SZT2: variants seen among roughly 807,000 people sequenced by gnomAD.
The protein encoded by SZT2 is KICSTOR complex protein SZT2.
A neutral mutation model predicts 404.2 loss-of-function variants in SZT2; 216 were observed. The ratio of observed to expected loss-of-function variants is 0.53; its 90% CI spans 0.48 to 0.60. The LOEUF (loss-of-function observed/expected upper bound fraction) is 0.60, where lower values mean the gene tolerates loss of function less well. Among genes scored for constraint, SZT2 ranks in the 20% least tolerant of loss-of-function variants. The probability of loss-of-function intolerance (pLI) is 0.00; values close to 1 mark genes in which losing one functional copy is unlikely to be tolerated. For synonymous variants in SZT2, 1,693 were observed against 1,749.9 expected (o/e 0.97, Z 0.81); for missense variants, 3,857 against 4,459.2 (o/e 0.86, Z 3.85).
intron 41 of SZT2, 70 bp from the exon 42 acceptor site, chr1:43,435,130 C>G (rs1654324686): frequency 6.5e-7 from 1 of 1,547,818 alleles, no homozygotes; most frequent in South Asian, 1.2e-5. Flanking sequence ...GGCATTTGAT[C>G]ACCCCTGACC....
In SZT2 at chr1:43,439,672, C is replaced by A; in HGVS notation, c.6945C>A (p.Pro2315=). 6.2e-7 allele frequency: 1 copy of A among 1,613,142 alleles called. No individual in the cohort carries two copies. The highest frequency in any genetic ancestry group is 1.1e-5 in the South Asian group (1 of 90,926). ...CCCCCTTGTCACTGGCGTTGTGGCC[C>A]CCCTCCTCTCCGGGGCCCCCAGACC... ...GGAPLSLALW[P]PSSPGPPDPL... is the part of the protein sequence containing the mutation. Residue 2315 remains proline, a synonymous_variant, in exon 50 of 72, where the codon CCC becomes CCA. Transcript: ENST00000634258. This position sits in a 1 kb window ranked among gnomAD's most constrained non-coding sequence, Gnocchi z 4.2.
intron 1 of SZT2, among the ~76,000 whole-genome samples, chr1:43,393,685 C>G (rs561236166): frequency 1.3e-5 from 2 of 152,242 alleles, no homozygotes; most frequent in African/African-American, 2.4e-5. Flanking sequence ...CAAATCAGAC[C>G]TTAATCACAA....
chr1:43,430,933 T>G lies in SZT2; in HGVS notation c.4775-16T>G, dbSNP rs762904549. The stretch of plus-strand genomic sequence containing the variant: ...CTTAGAGCCCTCAGCAACTGCTAAC[T>G]TTCCCCCTCTCCCAGGCCAGGTGCT... On this transcript the variant is annotated splice_polypyrimidine_tract_variant and intron_variant, in intron 32 of 71. Transcript: ENST00000634258. 6.2e-7 allele frequency: 1 copy of G among 1,606,776 alleles called. No individual in the cohort carries two copies.
intron 27 of SZT2, 49 bp downstream of exon 27, chr1:43,428,167 C>A: frequency 6.2e-7 from 1 of 1,611,562 alleles, no homozygotes; most frequent in South Asian, 1.1e-5. Flanking sequence ...GCGGGAGATA[C>A]AGGGATTACA....
In SZT2 at chr1:43,427,403, A is replaced by G. The variant is rs1176049356; in HGVS notation, c.3556A>G (p.Thr1186Ala). ...TCTAGGAGGAACTGGGATCAAAGCT[A>G]CAAAGTCCCACGTCCCTGTCCTCAG... The part of the protein sequence containing the change: ...KDLGGTGIKA[T>A]KSHVPVLSVT... The change falls in exon 25 of 72, where the codon ACA (threonine) becomes GCA (alanine). Residue 1186 changes from threonine to alanine, a missense_variant. Transcript: ENST00000634258. 1.9e-6 allele frequency: 3 copies of G among 1,613,856 alleles called. 1 individual carries two copies. The highest frequency in any genetic ancestry group is 4.5e-5 in the East Asian group (2 of 44,882).
Position 43,437,540 on chromosome 1 carries a change from G to T in SZT2, c.6290+32G>T, listed in dbSNP as rs1429899824. 1 of 1,613,914 alleles carries T rather than the reference G, an allele frequency of 6.2e-7. No individual in the cohort carries two copies. Among genetic ancestry groups the T allele is most frequent in the Non-Finnish European group, 8.5e-7 (1 of 1,179,976 alleles). On this transcript the variant is annotated intron_variant, in intron 44 of 71. Coordinates refer to ENST00000634258, the MANE Select transcript of SZT2 (RefSeq NM_001365999.1). The surrounding 1 kb of genome is among the most constrained non-coding windows in gnomAD (Gnocchi z 5.3). ...GGCCCTTGGAAGGTGGGTAGGGCAT[G>T]AATTAAGGATGGCCTGGGAGGAGGC... is the stretch of plus-strand genomic sequence containing the variant.
Position 43,439,847 on chromosome 1 carries a change from G to T in SZT2, c.7043-34G>T, listed in dbSNP as rs1290954441. On this transcript the variant is annotated intron_variant, in intron 50 of 71. Transcript: ENST00000634258. This position sits in a 1 kb window ranked among gnomAD's most constrained non-coding sequence, Gnocchi z 4.2. ...AGGGTGGTGAGTAGAGTGGGATCTA[G>T]GGACACCCTCAAGTGTCCCTGTTCT... The T allele has an allele frequency of 6.4e-7, 1 of 1,570,774 alleles. No individual in the cohort carries two copies.
In SZT2 at chr1:43,446,133, G is replaced by A. The variant is rs539934450; in HGVS notation, c.8917-46G>A. 88 of 1,610,210 alleles carry A rather than the reference G, an allele frequency of 5.5e-5. 2 individuals carry two copies. The South Asian group carries it at 8.7e-4, about 16-fold the overall frequency. On this transcript the variant is annotated intron_variant, in intron 63 of 71. Coordinates refer to ENST00000634258, the MANE Select transcript of SZT2 (RefSeq NM_001365999.1). ...CAAGGGACTTCCACCCTACTGATTC[G>A]AGGCTGGTGAGCCCCCAAACCTTGC...
chr1:43,433,548 G>A (rs930072124), intron 40 of SZT2, among the ~76,000 whole-genome samples: 1 of 152,314 alleles, frequency 6.6e-6, no homozygotes, highest in African/African-American at 2.4e-5. Context: ...TTGGGAGGCC[G>A]AGGCAGGCGG....
chr1:43,430,898 C>T, intron 32 of SZT2, 51 bp from the exon 33 acceptor site: 1 of 1,589,982 alleles, frequency 6.3e-7, no homozygotes, highest in Non-Finnish European at 8.6e-7. Context: ...ATCTTGGAAT[C>T]TGTGCTTGTC....
Position 43,425,971 on chromosome 1 carries a change from C to G in SZT2, c.2929+22C>G, listed in dbSNP as rs760016900. On this transcript the variant is annotated intron_variant, in intron 20 of 71. Transcript: ENST00000634258. The surrounding 1 kb of genome is among the most constrained non-coding windows in gnomAD (Gnocchi z 4.3). ...GATGGTGAGTGGGGCAGGCGGCCCA[C>G]TGGTGGAGCAGGGGAGTGGGTAGGG... The G allele has an allele frequency of 3.1e-6, 5 of 1,613,266 alleles. No individual in the cohort carries two copies. The highest frequency in any genetic ancestry group is 3.3e-5 in the Admixed American group (2 of 60,022).
intron 30 of SZT2, 72 bp downstream of exon 30, chr1:43,430,175 G>C (rs1557565652): frequency 1.3e-6 from 2 of 1,588,956 alleles, no homozygotes; most frequent in East Asian, 4.5e-5. Context: ...TTGAGTCTTG[G>C]TTCCCTGAGG....
At position 43,427,565 on chromosome 1, in the gene SZT2, T is replaced by C. The variant is rs2153933394; in HGVS notation, c.3634T>C (p.Phe1212Leu). ...GAATCAAGGAGAGCTAAGTCCACCA[T>C]TCCGTCGAGACTTACAGGCTTACGC... is the stretch of plus-strand genomic sequence containing the variant. Reference protein sequence around the residue: ...AQNQGELSPPFRRDLQAYAGR... With the variant: ...AQNQGELSPPLRRDLQAYAGR... The change falls in exon 26 of 72, where the codon TTC (phenylalanine) becomes CTC (leucine). Residue 1212 changes from phenylalanine to leucine, a missense_variant. Phe to Leu is a conservative substitution (Grantham distance 22). Transcript: ENST00000634258. 1 of 1,614,226 alleles carries C rather than the reference T, an allele frequency of 6.2e-7. No homozygotes were observed. The highest frequency in any genetic ancestry group is 8.5e-7 in the Non-Finnish European group (1 of 1,180,032).
At position 43,442,220 on chromosome 1, in the gene SZT2, G is replaced by T. The variant is rs762050535; in HGVS notation, c.7874-48G>T. The T allele has an allele frequency of 6.2e-7, 1 of 1,602,542 alleles. No individual in the cohort carries two copies. Among genetic ancestry groups the T allele is most frequent in the Non-Finnish European group, 8.5e-7 (1 of 1,173,810 alleles). ...CTTGCAGAGGGGAGGGTGGGATCAA[G>T]GGGGATCTGTTCCCAGGCCCCTATT... On this transcript the variant is annotated intron_variant, in intron 56 of 71. Transcript: ENST00000634258. The surrounding 1 kb of genome is among the most constrained non-coding windows in gnomAD (Gnocchi z 4.5).
Position 43,442,418 on chromosome 1 carries a change from C to G in SZT2, c.7975-24C>G, listed in dbSNP as rs756631280. On this transcript the variant is annotated intron_variant, in intron 57 of 71. Transcript: ENST00000634258. The surrounding 1 kb of genome is among the most constrained non-coding windows in gnomAD (Gnocchi z 4.5). The stretch of plus-strand genomic sequence containing the variant: ...TGGGAAGAGGGGTTCCGTGATCTCA[C>G]TGACCCTGACCCCCGACCTCCAGCT... The G allele has an allele frequency of 6.2e-7, 1 of 1,611,926 alleles. No homozygotes were observed. Among genetic ancestry groups the G allele is most frequent in the Admixed American group, 1.7e-5 (1 of 59,870 alleles).
At position 43,447,692 on chromosome 1, in the gene SZT2, G is replaced by A; in HGVS notation, c.9434G>A (p.Trp3145Ter). 6.2e-7 allele frequency: 1 copy of A among 1,613,942 alleles called. No individual in the cohort carries two copies. Among genetic ancestry groups the A allele is most frequent in the Non-Finnish European group, 8.5e-7 (1 of 1,179,946 alleles). The change falls in exon 67 of 72, where the codon TGG becomes TAG. Residue 3145 changes from tryptophan to a stop codon, truncating the protein, a stop_gained. Coordinates refer to ENST00000634258, the MANE Select transcript of SZT2 (RefSeq NM_001365999.1). LOFTEE classifies it high-confidence loss of function. The stretch of plus-strand genomic sequence containing the variant: ...AACGAGTATGCCCTGGTGTCGGCAT[G>A]GCACAGGTAAGGCTGAGAGGGGCAT... ...EHNEYALVSA[W>*]HSSGSYLDSE...
chr1:43,404,432 G>A lies in SZT2; in HGVS notation c.380G>A (p.Arg127His), dbSNP rs980715879. 16 of 1,613,770 alleles carry A rather than the reference G, an allele frequency of 9.9e-6. No individual in the cohort carries two copies. The highest frequency in any genetic ancestry group is 6.7e-5 in the East Asian group (3 of 44,882). ...LFDEVFHALS[R>H]CLGGLLRPFR... ...GATGAAGTTTTCCATGCCCTGTCCC[G>A]CTGCTTAGGCGGGCTGCTTCGGCCC... is the stretch of plus-strand genomic sequence containing the variant. The change falls in exon 4 of 72, where the codon CGC (arginine) becomes CAC (histidine). Residue 127 changes from arginine (R) to histidine (H), a missense_variant. Coordinates refer to ENST00000634258, the MANE Select transcript of SZT2 (RefSeq NM_001365999.1).
At position 43,426,583 on chromosome 1, in the gene SZT2, T is replaced by G; in HGVS notation, c.3214+45T>G. 6.6e-7 allele frequency: 1 copy of G among 1,512,124 alleles called. No individual in the cohort carries two copies. The highest frequency in any genetic ancestry group is 1.2e-5 in the South Asian group (1 of 81,112). 93.7% of individuals were successfully genotyped at this position (1,512,124 alleles called of 1,614,324 possible). On this transcript the variant is annotated intron_variant, in intron 22 of 71. Transcript: ENST00000634258. This position sits in a 1 kb window ranked among gnomAD's most constrained non-coding sequence, Gnocchi z 4.9. ...CTGACACCAGACCCTGGCCCAGCCCTTTTCCCCCACCCTCACAGGGTGATT... is the reference window on the plus strand; with the variant it reads ...CTGACACCAGACCCTGGCCCAGCCCGTTTCCCCCACCCTCACAGGGTGATT...
At chr1:43,398,192 T>G (rs946155000) in intron 1 of SZT2, among the ~76,000 whole-genome samples, 1 of 152,230 alleles carries the variant, frequency 6.6e-6, no homozygotes, top group African/African-American at 2.4e-5. Context: ...TAAGGTGATC[T>G]CATCTTGAGA....
Sources: gnomAD v4.1 joint callset for allele counts (sites outside exome capture counted in the v4.1 genomes callset) on GRCh38, gnomAD v4.1.1 for gene constraint, Gnocchi (gnomAD v3.1) non-coding constraint, MANE v1.5 for transcripts, NCBI Gene and HGNC (gene_info 2026-07-23, HGNC 2026-07-21) for gene names.